The following PPP1R42 variants were observed in gnomAD, a reference collection of about 807,000 sequenced individuals.
PPP1R42 encodes the protein protein phosphatase 1 regulatory subunit 42.
PPP1R42 carries 34 observed loss-of-function variants against 31.0 expected under a neutral mutation model. That is an observed-to-expected ratio of 1.10 (90% confidence interval 0.83 to 1.46). PPP1R42 has a LOEUF of 1.46. PPP1R42 is among the 40% of genes most tolerant of loss of function. The pLI, the probability that PPP1R42 is intolerant of heterozygous loss-of-function variation, is 0.00. For synonymous variants in PPP1R42, 103 were observed against 109.8 expected (o/e 0.94, Z 0.39); for missense variants, 268 against 303.0 (o/e 0.88, Z 0.86).
At chr8:66,994,498 G>A (rs765446141) in intron 5 of PPP1R42, among the ~76,000 whole-genome samples, 3 of 152,086 alleles carry the variant, frequency 2.0e-5, no homozygotes, top group Non-Finnish European at 4.4e-5. Context: ...ATTCAAAGTT[G>A]TTTAACCATC....
chr8:66,982,412 T>C (rs1007257047), intron 6 of PPP1R42, among the ~76,000 whole-genome samples: 3 of 152,230 alleles, frequency 2.0e-5, no homozygotes, highest in African/African-American at 7.2e-5. Flanking sequence ...GGAAATATCA[T>C]TAAATAAAAC....
intron 5 of PPP1R42, among the ~76,000 whole-genome samples, chr8:67,000,107 C>A (rs1815439690): frequency 6.6e-6 from 1 of 151,804 alleles, no homozygotes; most frequent in Admixed American, 6.6e-5. Context: ...CTGTTATTTT[C>A]CTTATTTCCT....
At chr8:67,025,680 G>A (rs1004056774) in intron 1 of PPP1R42, among the ~76,000 whole-genome samples, 8 of 151,974 alleles carry the variant, frequency 5.3e-5, no homozygotes, top group African/African-American at 1.2e-4. Flanking sequence ...ACCCAAAGAC[G>A]CAGAGTTGTA....
At chr8:67,013,884 A>T (rs1413648148) in intron 3 of PPP1R42, among the ~76,000 whole-genome samples, 1 of 152,208 alleles carries the variant, frequency 6.6e-6, no homozygotes, top group Non-Finnish European at 1.5e-5. Context: ...TTTGAGGAGC[A>T]TGATAGTTAC....
At chr8:67,009,590 A>C (rs965281849) in intron 5 of PPP1R42, among the ~76,000 whole-genome samples, 7 of 152,108 alleles carry the variant, frequency 4.6e-5, no homozygotes, top group Admixed American at 3.3e-4. Flanking sequence ...AAAAATGTAA[A>C]ATATATTTTA....
chr8:66,964,114 T>C lies in PPP1R42; in HGVS notation c.*207A>G, dbSNP rs1288231074. 2.9e-5 allele frequency: 11 copies of C among 383,466 alleles called. No homozygotes were observed. Among genetic ancestry groups the C allele is most frequent in the Non-Finnish European group, 5.5e-5 (11 of 200,604 alleles). The allele number at this position is 383,466 out of a possible 1,614,324, so 23.8% of individuals were successfully genotyped here. ...AATCAAACAATAACTTAAAAGTTTT[T>C]CCTTATATTATGAGATACCATAAAG... is the stretch of plus-strand genomic sequence containing the variant. On this transcript the variant is annotated 3_prime_UTR_variant, in exon 8 of 8. Transcript: ENST00000685739.
intron 5 of PPP1R42, among the ~76,000 whole-genome samples, chr8:67,002,781 C>T (rs1815538820): frequency 7.5e-6 from 1 of 133,024 alleles, no homozygotes; most frequent in South Asian, 2.7e-4. Context: ...AGTTCTAATA[C>T]TATGTCTTTA....
chr8:66,973,009 A>T (rs1236807741), intron 7 of PPP1R42, among the ~76,000 whole-genome samples: 1 of 152,222 alleles, frequency 6.6e-6, no homozygotes, highest in African/African-American at 2.4e-5. Context: ...CAAAATGCAT[A>T]TAATGATCTT....
At chr8:67,024,145 A>C (rs1386361012) in intron 1 of PPP1R42, among the ~76,000 whole-genome samples, 1 of 150,994 alleles carries the variant, frequency 6.6e-6, no homozygotes, top group East Asian at 1.9e-4. Flanking sequence ...ACTCCATCTC[A>C]AAAAAAAACC....
At chr8:67,024,163 A>T (rs1816313842) in intron 1 of PPP1R42, among the ~76,000 whole-genome samples, 1 of 152,160 alleles carries the variant, frequency 6.6e-6, no homozygotes, top group South Asian at 2.1e-4. Flanking sequence ...ACCAAAAAAA[A>T]GATAGCCATA....
At chr8:67,024,821 C>T (rs1401736647) in intron 1 of PPP1R42, among the ~76,000 whole-genome samples, 1 of 152,038 alleles carries the variant, frequency 6.6e-6, no homozygotes, top group Admixed American at 6.6e-5. Flanking sequence ...CCATGTTGCC[C>T]AGGCTGGTAG....
chr8:66,967,317 AAG>A (rs1367278449), intron 7 of PPP1R42, among the ~76,000 whole-genome samples: 5 of 152,182 alleles, frequency 3.3e-5, no homozygotes, highest in Non-Finnish European at 5.9e-5. Flanking sequence ...TTTTTTGGGA[AAG>A]AGGGGGGACT....
intron 7 of PPP1R42, among the ~76,000 whole-genome samples, chr8:66,978,249 A>G (rs192076331): frequency 6.6e-6 from 1 of 152,302 alleles, no homozygotes; most frequent in Admixed American, 6.5e-5. Context: ...GCAAAAGGGG[A>G]AACTGCTTAT....
intron 4 of PPP1R42, among the ~76,000 whole-genome samples, chr8:67,012,651 T>C (rs1815878435): frequency 6.6e-6 from 1 of 152,230 alleles, no homozygotes; most frequent in African/African-American, 2.4e-5. Flanking sequence ...GCCATGATAA[T>C]CACCAAGGTC....
At chr8:67,020,324 C>T (rs1050635608) in intron 1 of PPP1R42, among the ~76,000 whole-genome samples, 2 of 152,028 alleles carry the variant, frequency 1.3e-5, no homozygotes, top group Non-Finnish European at 2.9e-5. Context: ...CTCAGCCTCC[C>T]GAGTAGCTGA....
chr8:66,998,999 G>A (rs1396624295), intron 5 of PPP1R42, among the ~76,000 whole-genome samples: 2 of 152,038 alleles, frequency 1.3e-5, no homozygotes, highest in Non-Finnish European at 2.9e-5. Flanking sequence ...TAGTGTTCTT[G>A]TAATATTGCT....
At chr8:67,020,830 A>G (rs1301344435) in intron 1 of PPP1R42, among the ~76,000 whole-genome samples, 1 of 152,200 alleles carries the variant, frequency 6.6e-6, no homozygotes, top group East Asian at 1.9e-4. Context: ...GCGTGTTTGT[A>G]GTTCTGGCTA....
At chr8:66,971,137 T>A in intron 7 of PPP1R42, 1 of 1,503,040 alleles carries the variant, frequency 6.7e-7, no homozygotes, top group Non-Finnish European at 8.8e-7. Flanking sequence ...TGTTTTGAAG[T>A]TACCTGTAGC....
intron 7 of PPP1R42, among the ~76,000 whole-genome samples, chr8:66,975,908 T>C (rs981509488): frequency 6.6e-6 from 1 of 152,228 alleles, no homozygotes; most frequent in Non-Finnish European, 1.5e-5. Flanking sequence ...TTTGAAACTA[T>C]ATATGATTGT....
Sources: allele counts gnomAD v4.1 joint callset (sites outside exome capture counted in the v4.1 genomes callset), GRCh38; gene constraint gnomAD v4.1.1; transcripts MANE v1.5; gene names NCBI Gene and HGNC (gene_info 2026-07-23, HGNC 2026-07-21).